Variants in MFHAS1 observed in about 807,000 individuals in gnomAD.
MFHAS1 encodes the protein multifunctional ROCO family signaling regulator 1, also known as malignant fibrous histiocytoma-amplified sequence 1.
A neutral mutation model predicts 70.4 loss-of-function variants in MFHAS1; 50 were observed. The observed-to-expected ratio is 0.71, with a 90% CI of 0.57 to 0.90. MFHAS1 has a LOEUF of 0.90. Among genes scored for constraint, MFHAS1 ranks in the 40% least tolerant of loss-of-function variants. MFHAS1 has a pLI of 0.00. For synonymous variants in MFHAS1, 952 were observed against 620.0 expected, an observed-to-expected ratio of 1.54 and a Z score of -7.96; for missense variants, 1,795 against 1,347.6, an observed-to-expected ratio of 1.33 and a Z score of -5.20.
chr8:8,854,330 G>C (rs934831198), intron 1 of MFHAS1, among the ~76,000 whole-genome samples: 3 of 152,122 alleles, frequency 2.0e-5, no homozygotes, highest in African/African-American at 7.2e-5. Flanking sequence ...GACCATCCTG[G>C]CTAACACAGT....
intron 1 of MFHAS1, among the ~76,000 whole-genome samples, chr8:8,889,349 A>G (rs1359062777): frequency 6.6e-6 from 1 of 152,176 alleles, no homozygotes; most frequent in African/African-American, 2.4e-5. Flanking sequence ...CAGCCCCAGG[A>G]TTTAGTCATG....
At chr8:8,842,793 A>C (rs1317364657) in intron 1 of MFHAS1, among the ~76,000 whole-genome samples, 1 of 152,156 alleles carries the variant, frequency 6.6e-6, no homozygotes, top group African/African-American at 2.4e-5. Context: ...CATCATGAGA[A>C]ATCCCAGACA....
At chr8:8,799,949 C>T (rs1454549491) in intron 1 of MFHAS1, among the ~76,000 whole-genome samples, 6 of 152,046 alleles carry the variant, frequency 3.9e-5, no homozygotes, top group Middle Eastern at 3.2e-3. Flanking sequence ...GGAGGTTATG[C>T]GATGTACCCA....
intron 1 of MFHAS1, among the ~76,000 whole-genome samples, chr8:8,864,407 T>A (rs1808782133): frequency 6.6e-6 from 1 of 152,230 alleles, no homozygotes; most frequent in African/African-American, 2.4e-5. Flanking sequence ...CCCTCCCACA[T>A]TAGTAGAAAC....
intron 1 of MFHAS1, among the ~76,000 whole-genome samples, chr8:8,825,222 G>C (rs546686888): frequency 8.5e-5 from 13 of 152,336 alleles, no homozygotes; most frequent in African/African-American, 2.9e-4. Flanking sequence ...GCCCAGGCTG[G>C]AGTACAGTGG....
intron 1 of MFHAS1, among the ~76,000 whole-genome samples, chr8:8,863,042 T>G (rs1303464111): frequency 6.6e-6 from 1 of 152,202 alleles, no homozygotes; most frequent in African/African-American, 2.4e-5. Flanking sequence ...AAGGAATGAC[T>G]CAAGGTTCAT....
intron 1 of MFHAS1, among the ~76,000 whole-genome samples, chr8:8,813,767 A>C (rs1031013359): frequency 3.3e-5 from 5 of 152,170 alleles, no homozygotes; most frequent in Non-Finnish European, 7.3e-5. Flanking sequence ...CTATTAAAGA[A>C]ATAAAGACTT....
rs374574651 is a variant in MFHAS1 at position 8,892,426 on chromosome 8, C to T, written c.633G>A (p.Val211=). 2.8e-4 allele frequency: 451 copies of T among 1,612,628 alleles called. 4 individuals carry two copies. The East Asian group carries it at 5.5e-3, about 20-fold the overall frequency. Residue 211 remains valine, a synonymous_variant, in exon 1 of 3, where the codon GTG becomes GTA. Transcript: ENST00000276282. The surrounding 1 kb of genome is among the most constrained non-coding windows in gnomAD (Gnocchi z 4.7). ...LQLVALEELD[V]SSNRLRGLPE... is the part of the protein sequence containing the mutation. Reference sequence around the variant, plus strand: ...GCAGGCCCCGCAGCCGGTTGCTGGACACGTCCAGCTCCTCCAGGGCCACCA... The same window carrying T: ...GCAGGCCCCGCAGCCGGTTGCTGGATACGTCCAGCTCCTCCAGGGCCACCA...
At chr8:8,823,158 G>A (rs1380752341) in intron 1 of MFHAS1, among the ~76,000 whole-genome samples, 1 of 152,162 alleles carries the variant, frequency 6.6e-6, no homozygotes, top group Non-Finnish European at 1.5e-5. Context: ...CAAGAGCTCT[G>A]ACTAGAACAC....
rs1287896317 is a variant in MFHAS1 at position 8,783,558 on chromosome 8, CATT to C, written c.*2461_*2463del. 2 of 151,776 alleles carry C rather than the reference CATT, an allele frequency of 1.3e-5. No homozygotes were observed. Among genetic ancestry groups the C allele is most frequent in the Non-Finnish European group, 2.9e-5 (2 of 68,022 alleles). The allele number at this position is 151,776 out of a possible 1,614,324, so 9.4% of individuals were successfully genotyped here. ...CACAAGTGTCAAATATGAGCACTGTCATTTTTTTTTTCTTAGAAGGGGGAAAAA... is the reference window on the plus strand; with the variant it reads ...CACAAGTGTCAAATATGAGCACTGTCTTTTTTTTCTTAGAAGGGGGAAAAA... On this transcript the variant is annotated 3_prime_UTR_variant, in exon 3 of 3. Coordinates refer to ENST00000276282, the MANE Select transcript of MFHAS1 (RefSeq NM_004225.3).
intron 1 of MFHAS1, among the ~76,000 whole-genome samples, chr8:8,856,673 G>T (rs1474785440): frequency 6.6e-6 from 1 of 152,070 alleles, no homozygotes; most frequent in Non-Finnish European, 1.5e-5. Flanking sequence ...AAATGAAATT[G>T]GTCTTTTATT....
intron 1 of MFHAS1, among the ~76,000 whole-genome samples, chr8:8,839,356 G>T (rs903947971): frequency 6.6e-6 from 1 of 152,148 alleles, no homozygotes; most frequent in East Asian, 1.9e-4. Context: ...TGCTATCTAT[G>T]TAAAAGCCTG....
chr8:8,890,813 A>G lies in MFHAS1; in HGVS notation c.2246T>C (p.Leu749Pro), dbSNP rs1321184934. 1 of 1,614,080 alleles carries G rather than the reference A, an allele frequency of 6.2e-7. No individual in the cohort carries two copies. Among genetic ancestry groups the G allele is most frequent in the Non-Finnish European group, 8.5e-7 (1 of 1,180,046 alleles). Residue 749 changes from leucine to proline, a missense_variant, in exon 1 of 3, where the codon CTG becomes CCG. By Grantham distance (98) the Leu-to-Pro change is moderately conservative. Coordinates refer to ENST00000276282, the MANE Select transcript of MFHAS1 (RefSeq NM_004225.3). Reference protein sequence around the residue: ...VFFQRDPSLLLHKLLLGTSGE... With the variant: ...VFFQRDPSLLPHKLLLGTSGE... ...ACTGGTCCCTAGGAGCAGCTTATGC[A>G]GCAGCAAAGAGGGATCCCTCTGGAA... is the stretch of plus-strand genomic sequence containing the variant.
intron 1 of MFHAS1, among the ~76,000 whole-genome samples, chr8:8,865,750 A>G (rs1430411750): frequency 6.6e-6 from 1 of 152,248 alleles, no homozygotes; most frequent in African/African-American, 2.4e-5. Flanking sequence ...GCAGCCACTT[A>G]GTCCAACTAT....
intron 2 of MFHAS1, among the ~76,000 whole-genome samples, chr8:8,796,537 A>G (rs10112354): frequency 0.11 from 16,399 of 149,362 alleles, 1,073 homozygotes; most frequent in African/African-American, 0.2. Context: ...CAAAAAAATT[A>G]GCCGGGCGCG....
intron 1 of MFHAS1, among the ~76,000 whole-genome samples, chr8:8,832,024 A>C (rs1807408097): frequency 6.7e-6 from 1 of 148,728 alleles, no homozygotes; most frequent in African/African-American, 2.5e-5. Flanking sequence ...ATAAACCTCA[A>C]TCCTTACTTC....
chr8:8,795,314 AAG>A (rs1470811151), intron 2 of MFHAS1, among the ~76,000 whole-genome samples: 8 of 152,240 alleles, frequency 5.3e-5, no homozygotes, highest in Non-Finnish European at 1.0e-4. Flanking sequence ...AAGAAATTAA[AAG>A]AGAAACAATA....
chr8:8,873,256 T>A (rs1008121548), intron 1 of MFHAS1, among the ~76,000 whole-genome samples: 1 of 152,224 alleles, frequency 6.6e-6, no homozygotes, highest in Non-Finnish European at 1.5e-5. Flanking sequence ...TTTAATAGCA[T>A]GTTCAGGGAA....
intron 1 of MFHAS1, among the ~76,000 whole-genome samples, chr8:8,876,613 G>T (rs570716908): frequency 3.9e-5 from 6 of 151,976 alleles, no homozygotes; most frequent in African/African-American, 1.4e-4. Context: ...TGTATGCATC[G>T]TGATCCTCCC....
Sources: gnomAD v4.1 joint callset for allele counts (sites outside exome capture counted in the v4.1 genomes callset) on GRCh38, gnomAD v4.1.1 for gene constraint, Gnocchi (gnomAD v3.1) non-coding constraint, MANE v1.5 for transcripts, NCBI Gene and HGNC (gene_info 2026-07-23, HGNC 2026-07-21) for gene names.